The following RBFOX1 variants were observed in gnomAD, a reference collection of about 807,000 sequenced individuals.
The protein encoded by RBFOX1 is RNA binding fox-1 homolog 1.
RBFOX1 carries 8 observed loss-of-function variants against 57.7 expected under a neutral mutation model. The ratio of observed to expected loss-of-function variants is 0.14; its 90% CI spans 0.08 to 0.25. The LOEUF is 0.25. Ranked by LOEUF, RBFOX1 falls within the 10% of genes least tolerant of loss-of-function variation. The pLI is 1.00. For missense variants in RBFOX1, 611 were observed against 548.5 expected (o/e 1.11, Z -1.14); for synonymous variants, 326 against 222.4 (o/e 1.47, Z -4.15).
At chr16:5,254,150 C>T (rs981701506) in intron 1 of RBFOX1, among the ~76,000 whole-genome samples, 1 of 152,176 alleles carries the variant, frequency 6.6e-6, no homozygotes, top group African/African-American at 2.4e-5. Flanking sequence ...AGATGGCATG[C>T]CCATTTTACA....
chr16:6,934,279 G>A (rs923891402), intron 3 of RBFOX1, among the ~76,000 whole-genome samples: 30 of 152,188 alleles, frequency 2.0e-4, no homozygotes, highest in Admixed American at 1.9e-3. Flanking sequence ...GACTGAAGTT[G>A]CTGCGCTTGG....
chr16:7,028,804 G>A (rs1285830846), intron 3 of RBFOX1, among the ~76,000 whole-genome samples: 3 of 151,090 alleles, frequency 2.0e-5, no homozygotes, highest in East Asian at 2.0e-4. Flanking sequence ...AAACATTGGC[G>A]ATCAACAAAG....
intron 3 of RBFOX1, among the ~76,000 whole-genome samples, chr16:6,975,030 C>A (rs561525189): frequency 7.9e-5 from 12 of 152,150 alleles, no homozygotes; most frequent in Admixed American, 2.0e-4. Context: ...CATGGTAGTA[C>A]TTTTTCTTTT....
chr16:6,149,005 CATCTCATCGAGGCCCCAAATGTAG>C (rs1298038553), intron 1 of RBFOX1, among the ~76,000 whole-genome samples: 1 of 152,156 alleles, frequency 6.6e-6, no homozygotes, highest in African/African-American at 2.4e-5. Flanking sequence ...TTTGTTCAGC[CATCTCATCGAGGCCCCAAATGTAG>C]ATCATTGAAA....
intron 3 of RBFOX1, among the ~76,000 whole-genome samples, chr16:6,685,170 C>T (rs535712243): frequency 8.3e-4 from 127 of 152,150 alleles, no homozygotes; most frequent in Non-Finnish European, 1.4e-3. Flanking sequence ...TTTCTTTATT[C>T]CTGCTGTACT....
chr16:5,483,905 T>C (rs537261025), intron 2 of RBFOX1, among the ~76,000 whole-genome samples: 1 of 152,256 alleles, frequency 6.6e-6, no homozygotes, highest in South Asian at 2.1e-4. Flanking sequence ...GCATGGTGGC[T>C]CATGCTTGTG....
rs564374851 is a variant in RBFOX1, at chr16:6,798,115, C to T, written c.-16+143465C>T. 3.3e-5 allele frequency among the ~76,000 whole-genome samples: 5 copies of T among 152,032 alleles called. No homozygotes were observed. The South Asian group carries it at 6.2e-4, about 19-fold the overall frequency. ...CCACACCCTTAAACAGCATCTAGCACGCATTTAATAAATAGGTCTCATTGT... is the reference window on the plus strand; with the variant it reads ...CCACACCCTTAAACAGCATCTAGCATGCATTTAATAAATAGGTCTCATTGT... On this transcript the variant is annotated intron_variant, in intron 3 of 15. Transcript: ENST00000550418.
chr16:6,873,540 C>T (rs1401971648), intron 3 of RBFOX1, among the ~76,000 whole-genome samples: 1 of 151,986 alleles, frequency 6.6e-6, no homozygotes, highest in Non-Finnish European at 1.5e-5. Flanking sequence ...TAATTATTTT[C>T]AGCTTAAAAA....
At chr16:7,379,848 T>C (rs1208987902) in intron 4 of RBFOX1, among the ~76,000 whole-genome samples, 2 of 151,860 alleles carry the variant, frequency 1.3e-5, no homozygotes, top group African/African-American at 2.4e-5. Context: ...TCCTTCCTCT[T>C]TTCTCTTCCT....
intron 1 of RBFOX1, among the ~76,000 whole-genome samples, chr16:6,067,432 C>T (rs1248153470): frequency 6.6e-6 from 1 of 152,032 alleles, no homozygotes; most frequent in Non-Finnish European, 1.5e-5. Context: ...AAGCGAATGC[C>T]TGGATAGGAA....
At chr16:6,898,900 C>CTCT (rs61275618) in intron 3 of RBFOX1, among the ~76,000 whole-genome samples, 2 of 142,720 alleles carry the variant, frequency 1.4e-5, no homozygotes, top group African/African-American at 5.9e-5. Flanking sequence ...GTGTGCATCT[C>CTCT]GTATGTGTTT....
Position 5,816,275 on chromosome 16 carries a change from C to G in RBFOX1, c.319-51028C>G, listed in dbSNP as rs560978305. Among the ~76,000 whole-genome samples the G allele has an allele frequency of 1.8e-3, 277 of 152,306 alleles. 2 individuals are homozygous for G. Among genetic ancestry groups the G allele is most frequent in the Middle Eastern group, 3.4e-3 (1 of 294 alleles). On this transcript the variant is annotated intron_variant, in intron 3 of 19. Transcript: ENST00000641259. ...TTGGCTACCTATTCCTTCAAGCTCT[C>G]TTCCTCCCTCATCTAGGAAGATTCT...
chr16:6,820,323 C>G (rs1033367974), intron 3 of RBFOX1, among the ~76,000 whole-genome samples: 2 of 152,092 alleles, frequency 1.3e-5, no homozygotes, highest in South Asian at 4.1e-4. Flanking sequence ...TCTTAATCAT[C>G]AAATAATCTT....
chr16:5,268,534 CA>C (rs1344082868), intron 1 of RBFOX1, among the ~76,000 whole-genome samples: 1 of 152,212 alleles, frequency 6.6e-6, no homozygotes, highest in Non-Finnish European at 1.5e-5. Context: ...TGTGGCTCAC[CA>C]GGTCCAATCC....
chr16:7,511,805 C>A (rs79038419), intron 4 of RBFOX1, among the ~76,000 whole-genome samples: 4,158 of 152,204 alleles, frequency 0.027, 188 homozygotes, highest in African/African-American at 0.093. Flanking sequence ...AGTTTCTTCT[C>A]TGTTTATCCT....
intron 1 of RBFOX1, among the ~76,000 whole-genome samples, chr16:6,167,467 A>T (rs2096926414): frequency 6.6e-6 from 1 of 151,264 alleles, no homozygotes; most frequent in African/African-American, 2.4e-5. Context: ...GCCTTCTAAC[A>T]TTTTTTCCAC....
chr16:5,571,013 C>T (rs1272801309), intron 2 of RBFOX1, among the ~76,000 whole-genome samples: 2 of 151,962 alleles, frequency 1.3e-5, no homozygotes, highest in Non-Finnish European at 2.9e-5. Context: ...ATATTCAGCT[C>T]TCATATACAC....
chr16:6,705,432 C>T (rs1159199773), intron 3 of RBFOX1: 1 of 152,122 alleles, frequency 6.6e-6, no homozygotes, highest in Non-Finnish European at 1.5e-5. Flanking sequence ...ATACATACAT[C>T]CCTGGGTTAC....
chr16:5,268,262 C>T (rs1278335809), intron 1 of RBFOX1, among the ~76,000 whole-genome samples: 1 of 152,136 alleles, frequency 6.6e-6, no homozygotes, highest in Admixed American at 6.5e-5. Flanking sequence ...CCTACAAGTG[C>T]AATTTGTGTT....
Sources: allele counts gnomAD v4.1 joint callset (sites outside exome capture counted in the v4.1 genomes callset), GRCh38; gene constraint gnomAD v4.1.1; transcripts MANE v1.5; gene names NCBI Gene and HGNC (gene_info 2026-07-23, HGNC 2026-07-21).